METTL27: variants seen among roughly 807,000 people sequenced by gnomAD.
METTL27 encodes the protein methyltransferase-like protein 27.
METTL27 carries 29 observed loss-of-function variants against 24.5 expected under a neutral mutation model. That is an observed-to-expected ratio of 1.18 (90% CI 0.88 to 1.61). The LOEUF (loss-of-function observed/expected upper bound fraction) is 1.61, where lower values mean the gene tolerates loss of function less well. METTL27 is among the 40% of genes most tolerant of loss of function. The pLI, the probability that METTL27 is intolerant of heterozygous loss-of-function variation, is 0.00. For missense variants in METTL27, 341 were observed against 324.3 expected (o/e 1.05, Z -0.40); for synonymous variants, 138 against 146.8 (o/e 0.94, Z 0.43).
chr7:73,835,404 G>A (rs915379531), intron 5 of METTL27, among the ~76,000 whole-genome samples: 22 of 144,364 alleles, frequency 1.5e-4, no homozygotes, highest in African/African-American at 2.6e-4. Context: ...TGGTGGAGAC[G>A]GGGTTTCGCT....
intron 5 of METTL27, among the ~76,000 whole-genome samples, chr7:73,836,116 A>G (rs1584335670): frequency 3.4e-5 from 3 of 87,396 alleles, no homozygotes; most frequent in Admixed American, 1.2e-4. Flanking sequence ...CAGCCGCCCC[A>G]TCCGGGAGGG....
At chr7:73,841,929 G>A (rs1788371248) in intron 2 of METTL27, 89 bp downstream of exon 2, 1 of 1,603,106 alleles carries the variant, frequency 6.2e-7, no homozygotes, top group Non-Finnish European at 8.5e-7. Flanking sequence ...CGTCCTCACA[G>A]CCGCCCCCGG....
chr7:73,840,252 A>C, intron 4 of METTL27, 132 bp from the exon 5 acceptor site: 2 of 1,450,066 alleles, frequency 1.4e-6, no homozygotes, highest in Non-Finnish European at 1.9e-6. Flanking sequence ...GGTCCCCTAG[A>C]GGATAAGGTA....
Position 73,840,484 on chromosome 7 carries a change from G to C in METTL27, c.318C>G (p.Ala106=). 6.2e-7 allele frequency: 1 copy of C among 1,610,822 alleles called. No homozygotes were observed. The highest frequency in any genetic ancestry group is 8.5e-7 in the Non-Finnish European group (1 of 1,179,096). ...GGCGCTGATAGAGGCCGGGGGCCTG[G>C]GCCTGTTCCAGCATCCCTGGGCTCC... ...VDGSPGMLEQ[A]QAPGLYQRLS... is the part of the protein sequence containing the mutation. Residue 106 remains alanine (A), a synonymous_variant, in exon 4 of 6, where the codon GCC becomes GCG. Coordinates refer to ENST00000297873, the MANE Select transcript of METTL27 (RefSeq NM_152559.3).
At chr7:73,837,493 G>T (rs200645065) in intron 5 of METTL27, among the ~76,000 whole-genome samples, 1 of 127,566 alleles carries the variant, frequency 7.8e-6, no homozygotes, top group Non-Finnish European at 1.7e-5. Context: ...AAAAAAAAAA[G>T]AAAAAGAAAT....
Position 73,840,505 on chromosome 7 carries a change from G to T in METTL27, c.297C>A (p.Ser99Arg). 1 of 1,611,350 alleles carries T rather than the reference G, an allele frequency of 6.2e-7. No homozygotes were observed. The highest frequency in any genetic ancestry group is 1.7e-4 in the Middle Eastern group (1 of 5,964). Residue 99 changes from serine to arginine, a missense_variant, in exon 4 of 6, where the codon AGC (serine) becomes AGA (arginine). By Grantham distance (110) the Ser-to-Arg change is moderately radical. Transcript: ENST00000297873. ...GFLQLHGVDG[S>R]PGMLEQAQAP... is the part of the protein sequence containing the mutation. ...CCTGGGCCTGTTCCAGCATCCCTGG[G>T]CTCCCATCCACCCCATGCAGCTGGA...
At chr7:73,838,912 A>AACCCCTCCTC (rs1788281001) in intron 5 of METTL27, among the ~76,000 whole-genome samples, 1 of 152,152 alleles carries the variant, frequency 6.6e-6, no homozygotes, top group Non-Finnish European at 1.5e-5. Flanking sequence ...TCTCATGCTC[A>AACCCCTCCTC]GCCCCTCTCC....
At chr7:73,840,262 A>T in intron 4 of METTL27, 142 bp from the exon 5 acceptor site, 1 of 1,452,730 alleles carries the variant, frequency 6.9e-7, no homozygotes, top group Non-Finnish European at 9.2e-7. Context: ...AGGATAAGGT[A>T]AGTATGGCCC....
chr7:73,842,174 G>T (rs902349958), intron 1 of METTL27, 30 bp from the exon 2 acceptor site: 2 of 1,579,432 alleles, frequency 1.3e-6, no homozygotes, highest in African/African-American at 2.7e-5. Context: ...CTGTCTCGAG[G>T]TCCACCTCAA....
rs781834203 is a variant in METTL27, at chr7:73,840,476, G to A, written c.326C>T (p.Pro109Leu). The change falls in exon 4 of 6, where the codon CCC becomes CTC. Residue 109 changes from proline to leucine, a missense_variant. By Grantham distance (98) the Pro-to-Leu change is moderately conservative (BLOSUM62 -3). Coordinates refer to ENST00000297873, the MANE Select transcript of METTL27 (RefSeq NM_152559.3). ...SPGMLEQAQA[P>L]GLYQRLSLCT... ...GAGGCTGAGGCGCTGATAGAGGCCG[G>A]GGGCCTGGGCCTGTTCCAGCATCCC... 34 of 1,609,338 alleles carry A rather than the reference G, an allele frequency of 2.1e-5. No homozygotes were observed. In the South Asian group the frequency reaches 2.8e-4, roughly 13 times the overall value.
intron 5 of METTL27, among the ~76,000 whole-genome samples, chr7:73,837,805 G>A (rs1204049266): frequency 3.3e-5 from 5 of 151,884 alleles, no homozygotes; most frequent in African/African-American, 1.2e-4. Flanking sequence ...CAGGTGATCT[G>A]CCCGCTGGGG....
intron 5 of METTL27, among the ~76,000 whole-genome samples, chr7:73,837,649 C>G (rs554796365): frequency 6.6e-6 from 1 of 152,022 alleles, no homozygotes; most frequent in Non-Finnish European, 1.5e-5. Context: ...CTTCAGCCTC[C>G]GCCTCCTGGG....
intron 1 of METTL27, 76 bp from the exon 2 acceptor site, chr7:73,842,220 C>T (rs549816423): frequency 1.3e-6 from 2 of 1,519,466 alleles, no homozygotes; most frequent in Admixed American, 2.2e-5. Flanking sequence ...CCCTCCTCCC[C>T]CTTCAGAGGA....
At chr7:73,839,851 C>T (rs980203659) in intron 5 of METTL27, 180 bp downstream of exon 5, 208 of 549,696 alleles carry the variant, frequency 3.8e-4, no homozygotes, top group Middle Eastern at 9.6e-4. Flanking sequence ...CCTGTCTGCC[C>T]GGCCTGTTTG....
intron 3 of METTL27, 55 bp downstream of exon 3, chr7:73,841,015 A>G: frequency 1.4e-6 from 2 of 1,408,922 alleles, no homozygotes; most frequent in Non-Finnish European, 9.2e-7. Flanking sequence ...GGGCAGTAGG[A>G]GATTTGAGGA....
Position 73,842,069 on chromosome 7 carries a change from G to C in METTL27, c.72C>G (p.Asp24Glu), listed in dbSNP as rs782733005. 6.2e-7 allele frequency: 1 copy of C among 1,614,098 alleles called. No individual in the cohort carries two copies. Among genetic ancestry groups the C allele is most frequent in the Non-Finnish European group, 8.5e-7 (1 of 1,179,988 alleles). ...ARVRAAHGIP[D>E]LAQKLHFYDR... is the part of the protein sequence containing the mutation. Reference sequence around the variant, plus strand: ...CATAGAAATGGAGCTTTTGGGCCAGGTCGGGGATGCCATGCGCGGCCCTGA... The same window carrying C: ...CATAGAAATGGAGCTTTTGGGCCAGCTCGGGGATGCCATGCGCGGCCCTGA... The change falls in exon 2 of 6, where the codon GAC becomes GAG. Residue 24 changes from aspartate (D) to glutamate (E), a missense_variant. Coordinates refer to ENST00000297873, the MANE Select transcript of METTL27 (RefSeq NM_152559.3).
At chr7:73,836,551 C>T (rs1343850202) in intron 5 of METTL27, among the ~76,000 whole-genome samples, 2 of 18,786 alleles carry the variant, frequency 1.1e-4, no homozygotes, top group Admixed American at 4.4e-4. Context: ...GCCCCCTGCC[C>T]GGCCAGCCCC....
chr7:73,834,690 C>T lies in METTL27; in HGVS notation c.*53G>A. 2 of 1,543,092 alleles carry T rather than the reference C, an allele frequency of 1.3e-6. No homozygotes were observed. The highest frequency in any genetic ancestry group is 1.8e-6 in the Non-Finnish European group (2 of 1,133,602). ...AGGCAGAGGAGGCCCAGCAGATGGG[C>T]CCAGCTAAGGCCACATGGAGTCAGG... On this transcript the variant is annotated 3_prime_UTR_variant, in exon 6 of 6. Coordinates refer to ENST00000297873, the MANE Select transcript of METTL27 (RefSeq NM_152559.3).
intron 2 of METTL27, among the ~76,000 whole-genome samples, chr7:73,841,471 C>CTTT (rs34544195): frequency 1.5e-5 from 2 of 131,072 alleles, no homozygotes; most frequent in African/African-American, 2.9e-5. Flanking sequence ...GTCCACATGA[C>CTTT]TTTTTTTTTT....
Sources: gnomAD v4.1 joint callset for allele counts (sites outside exome capture counted in the v4.1 genomes callset) on GRCh38, gnomAD v4.1.1 for gene constraint, MANE v1.5 for transcripts, NCBI Gene and HGNC (gene_info 2026-07-23, HGNC 2026-07-21) for gene names.